Variants in PTPRZ1 observed in about 807,000 individuals in gnomAD.
PTPRZ1 encodes protein tyrosine phosphatase receptor type Z1.
In PTPRZ1, 82 loss-of-function variants were observed where a neutral mutation model predicts 214.1. That is an observed-to-expected ratio of 0.38 (90% CI 0.32 to 0.46). The LOEUF is 0.46. PTPRZ1 is among the 20% of genes least tolerant of loss of function. The pLI is 1.00. For synonymous variants in PTPRZ1, 945 were observed against 987.9 expected (o/e 0.96, Z 0.81); for missense variants, 2,603 against 2,748.7 (o/e 0.95, Z 1.19).
chr7:121,877,554 G>A (rs1166534934), intron 1 of PTPRZ1, among the ~76,000 whole-genome samples: 3 of 152,050 alleles, frequency 2.0e-5, no homozygotes, highest in East Asian at 1.9e-4. Flanking sequence ...ATACAGAATC[G>A]TTCCAGCCAT....
Position 122,012,973 on chromosome 7 carries a change from G to A in PTPRZ1, c.3927G>A (p.Arg1309=). The A allele has an allele frequency of 1.2e-6, 2 of 1,614,044 alleles. No individual in the cohort carries two copies. Among genetic ancestry groups the A allele is most frequent in the Admixed American group, 1.7e-5 (1 of 60,018 alleles). ...EINQAHPPKG[R]HVFATPVLSI... ...ACCAGGCCCATCCCCCAAAAGGAAG[G>A]CATGTATTTGCTACACCTGTTTTAT... Residue 1309 remains arginine (R), a synonymous_variant, in exon 12 of 30, where the codon AGG becomes AGA. Coordinates refer to ENST00000393386, the MANE Select transcript of PTPRZ1 (RefSeq NM_002851.3).
At position 121,888,001 on chromosome 7, in the gene PTPRZ1, C is replaced by T. The variant is rs114824818; in HGVS notation, c.58+14444C>T. On this transcript the variant is annotated intron_variant, in intron 1 of 29. Transcript: ENST00000393386. ...CTTGGAGAAAGCACTGTATATTTTA[C>T]AGCCATTGGTTACCTGTTGCTGTCA... Among the ~76,000 whole-genome samples, 508 of 152,210 alleles carry T rather than the reference C, an allele frequency of 3.3e-3. 3 individuals carry two copies. The highest frequency in any genetic ancestry group is 0.012 in the African/African-American group (487 of 41,550).
At chr7:122,056,333 A>T (rs183767052) in intron 27 of PTPRZ1, among the ~76,000 whole-genome samples, 69 of 152,002 alleles carry the variant, frequency 4.5e-4, no homozygotes, top group Admixed American at 1.2e-3. Flanking sequence ...TAAACTAGAT[A>T]ATACAGGTTC....
chr7:121,966,418 A>G (rs931531962), intron 2 of PTPRZ1, among the ~76,000 whole-genome samples: 4 of 152,182 alleles, frequency 2.6e-5, no homozygotes, highest in African/African-American at 4.8e-5. Context: ...ATTCTCTTTC[A>G]TTCTCTTGCA....
Position 121,998,560 on chromosome 7 carries a change from G to T in PTPRZ1, c.1240+554G>T, listed in dbSNP as rs532763988. The stretch of plus-strand genomic sequence containing the variant: ...CTTCCCAAAAATAAGACAAACAAAA[G>T]TTGTTTCTACTTGTGTTTTATTTGC... On this transcript the variant is annotated intron_variant, in intron 10 of 29. Coordinates refer to ENST00000393386, the MANE Select transcript of PTPRZ1 (RefSeq NM_002851.3). Among the ~76,000 whole-genome samples the T allele has an allele frequency of 6.6e-5, 10 of 152,170 alleles. No individual in the cohort carries two copies. In the South Asian group the frequency reaches 1.7e-3, roughly 25 times the overall value.
chr7:121,973,221 A>C (rs945657415), intron 4 of PTPRZ1, among the ~76,000 whole-genome samples: 1 of 152,094 alleles, frequency 6.6e-6, no homozygotes, highest in Admixed American at 6.5e-5. Flanking sequence ...AAATTGCAAA[A>C]ATTTATTTAA....
chr7:121,977,273 T>G (rs2116546080), intron 6 of PTPRZ1, among the ~76,000 whole-genome samples: 1 of 152,306 alleles, frequency 6.6e-6, no homozygotes, highest in African/African-American at 2.4e-5. Context: ...TCCCTGGTGG[T>G]TTCCTTGATA....
chr7:121,949,277 C>G (rs748585671), intron 2 of PTPRZ1, among the ~76,000 whole-genome samples: 6 of 152,154 alleles, frequency 3.9e-5, no homozygotes, highest in Non-Finnish European at 7.3e-5. Flanking sequence ...AGAGGGGTGA[C>G]TTTAATTAGA....
At chr7:121,921,792 T>C (rs1387925954) in intron 1 of PTPRZ1, among the ~76,000 whole-genome samples, 2 of 152,196 alleles carry the variant, frequency 1.3e-5, no homozygotes, top group African/African-American at 4.8e-5. Flanking sequence ...ATATATACTA[T>C]AAAAAGTGGT....
intron 2 of PTPRZ1, among the ~76,000 whole-genome samples, chr7:121,963,902 A>G (rs544796113): frequency 6.6e-6 from 1 of 151,860 alleles, no homozygotes; most frequent in South Asian, 2.1e-4. Context: ...TTTAAACATA[A>G]TCTAGTTACC....
Position 122,039,604 on chromosome 7 carries a change from G to A in PTPRZ1, c.5637+16G>A. ...AATAAAAAAGGTGAGTCAACAAAAT[G>A]ATGGGCATAATCAAGTGAACAATGC... On this transcript the variant is annotated intron_variant, in intron 20 of 29. Coordinates refer to ENST00000393386, the MANE Select transcript of PTPRZ1 (RefSeq NM_002851.3). 6.2e-7 allele frequency: 1 copy of A among 1,611,904 alleles called. No individual in the cohort carries two copies. Among genetic ancestry groups the A allele is most frequent in the South Asian group, 1.1e-5 (1 of 90,878 alleles).
intron 29 of PTPRZ1, 43 bp from the exon 30 acceptor site, chr7:122,061,037 C>T (rs201580041): frequency 2.0e-6 from 3 of 1,534,622 alleles, no homozygotes; most frequent in Non-Finnish European, 2.7e-6. Context: ...TGTATGTCTT[C>T]ACTGAGCTTC....
In PTPRZ1 at chr7:122,059,813, A is replaced by G. The variant is rs766098058; in HGVS notation, c.6732A>G (p.Glu2244=). The G allele has an allele frequency of 1.2e-6, 2 of 1,613,756 alleles. No homozygotes were observed. Among genetic ancestry groups the G allele is most frequent in the Non-Finnish European group, 1.7e-6 (2 of 1,179,806 alleles). The change falls in exon 29 of 30, where the codon GAA becomes GAG. Residue 2244 remains glutamate (E), a synonymous_variant. Coordinates refer to ENST00000393386, the MANE Select transcript of PTPRZ1 (RefSeq NM_002851.3). ...CALTTLMHQL[E]KENSVDVYQV... Reference sequence around the variant, plus strand: ...TGACAACCCTTATGCACCAACTAGAAAAAGAAAATTCCGTGGATGTTTACC... The same window carrying G: ...TGACAACCCTTATGCACCAACTAGAGAAAGAAAATTCCGTGGATGTTTACC...
At chr7:122,023,503 ATG>A (rs1409451621) in intron 13 of PTPRZ1, among the ~76,000 whole-genome samples, 1 of 130,748 alleles carries the variant, frequency 7.6e-6, no homozygotes, top group Non-Finnish European at 1.6e-5. Context: ...AATTATATAT[ATG>A]TATAATTTTA....
chr7:121,930,415 A>G (rs1257849768), intron 2 of PTPRZ1, among the ~76,000 whole-genome samples: 1 of 152,170 alleles, frequency 6.6e-6, no homozygotes, highest in Non-Finnish European at 1.5e-5. Flanking sequence ...AATTTAATAA[A>G]CATCAGCAAA....
rs180785091 is a variant in PTPRZ1, at chr7:122,052,543, C to T, written c.6252+604C>T. The stretch of plus-strand genomic sequence containing the variant: ...CAAAACCTCTGTTCTATTTATCCAG[C>T]AAAGAAAATATTAAGGAATATCTAT... On this transcript the variant is annotated intron_variant, in intron 25 of 29. Transcript: ENST00000393386. Among the ~76,000 whole-genome samples the T allele has an allele frequency of 3.1e-3, 475 of 152,108 alleles. 1 individual carries two copies. The highest frequency in any genetic ancestry group is 4.6e-3 in the Non-Finnish European group (315 of 67,998).
chr7:121,917,729 A>G (rs557032643), intron 1 of PTPRZ1, among the ~76,000 whole-genome samples: 1 of 152,188 alleles, frequency 6.6e-6, no homozygotes, highest in South Asian at 2.1e-4. Flanking sequence ...TGGAAATACA[A>G]GCAAAGAGAT....
chr7:122,003,918 C>T (rs1285212199), intron 10 of PTPRZ1, among the ~76,000 whole-genome samples: 1 of 152,152 alleles, frequency 6.6e-6, no homozygotes, highest in East Asian at 1.9e-4. Flanking sequence ...GACAAACAGA[C>T]GTGAATGATT....
At chr7:121,988,448 C>G (rs1234871864) in intron 8 of PTPRZ1, among the ~76,000 whole-genome samples, 1 of 152,200 alleles carries the variant, frequency 6.6e-6, no homozygotes, top group Non-Finnish European at 1.5e-5. Flanking sequence ...ATACAAACCA[C>G]TGTCAAATAA....
Sources: allele counts gnomAD v4.1 joint callset (sites outside exome capture counted in the v4.1 genomes callset), GRCh38; gene constraint gnomAD v4.1.1; transcripts MANE v1.5; gene names NCBI Gene and HGNC (gene_info 2026-07-23, HGNC 2026-07-21).